ZCCHC14: variants seen among roughly 807,000 people sequenced by gnomAD.
ZCCHC14 encodes the protein zinc finger CCHC-type containing 14, also known as zinc finger CCHC domain-containing protein 14.
Under a neutral mutation model 85.0 loss-of-function variants are expected in ZCCHC14, and 16 were observed. The ratio of observed to expected loss-of-function variants is 0.19; its 90% confidence interval spans 0.13 to 0.29. ZCCHC14 has a LOEUF of 0.29. ZCCHC14 is among the 10% of genes least tolerant of loss of function. The probability of loss-of-function intolerance (pLI) is 1.00; values close to 1 mark genes in which losing one functional copy is unlikely to be tolerated. For synonymous variants in ZCCHC14, 775 were observed against 630.7 expected (o/e 1.23, Z -3.43); for missense variants, 1,303 against 1,443.5 (o/e 0.90, Z 1.58).
intron 10 of ZCCHC14, among the ~76,000 whole-genome samples, chr16:87,413,823 G>T (rs1290354751): frequency 7.1e-6 from 1 of 141,500 alleles, no homozygotes; most frequent in African/African-American, 2.6e-5. Flanking sequence ...CTGGGGTGGG[G>T]GGTGGGCGCA....
chr16:87,449,189 C>A (rs1040937278), intron 2 of ZCCHC14, among the ~76,000 whole-genome samples: 6 of 152,258 alleles, frequency 3.9e-5, no homozygotes, highest in African/African-American at 1.4e-4. Flanking sequence ...TTGGCTGTTA[C>A]ACAGCTGTAG....
chr16:87,477,426 C>T (rs1235096671), intron 1 of ZCCHC14, among the ~76,000 whole-genome samples: 6 of 152,222 alleles, frequency 3.9e-5, no homozygotes, highest in Admixed American at 3.9e-4. Context: ...ATCAGCAGAG[C>T]TGGCAGAAGC....
intron 1 of ZCCHC14, chr16:87,467,137 G>T (rs141598804): frequency 2.3e-5 from 23 of 1,003,248 alleles, no homozygotes; most frequent in Non-Finnish European, 3.4e-5. Flanking sequence ...TCCTCCACCA[G>T]ATCAGACCTG....
Position 87,406,586 on chromosome 16 carries a change from CT to C in ZCCHC14, c.*3693del, listed in dbSNP as rs1908212351. The C allele has an allele frequency of 6.6e-6, 1 of 152,374 alleles. No individual in the cohort carries two copies. The highest frequency in any genetic ancestry group is 2.4e-5 in the African/African-American group (1 of 41,414). 9.4% of individuals were successfully genotyped at this position (152,374 alleles called of 1,614,324 possible). ...AGGTGTCCAGTTTCAGTACCAAAGC[CT>C]TCTCTTTTTGTGCACGTAAGACTCA... On this transcript the variant is annotated 3_prime_UTR_variant, in exon 13 of 13. Coordinates refer to ENST00000671377, the MANE Select transcript of ZCCHC14 (RefSeq NM_015144.3).
intron 3 of ZCCHC14, among the ~76,000 whole-genome samples, chr16:87,428,959 A>G (rs763894621): frequency 3.3e-5 from 5 of 152,228 alleles, no homozygotes; most frequent in Non-Finnish European, 7.3e-5. Flanking sequence ...GCGCCTGTGA[A>G]CGGGTGTCTT....
Position 87,420,710 on chromosome 16 carries a change from G to C in ZCCHC14, c.847C>G (p.Gln283Glu). The change falls in exon 5 of 13, where the codon CAG becomes GAG. Residue 283 changes from glutamine to glutamate, a missense_variant. Coordinates refer to ENST00000671377, the MANE Select transcript of ZCCHC14 (RefSeq NM_015144.3). This position sits in a 1 kb window ranked among gnomAD's most constrained non-coding sequence, Gnocchi z 5.0. Reference protein sequence around the residue: ...EVTEFISKLCQLYPEENLEKL... With the variant: ...EVTEFISKLCELYPEENLEKL... Reference sequence around the variant, plus strand: ...TCCAAGTTCTCTTCAGGATAGAGCTGACATAGCTGGAAGAGAGGACAAGGT... The same window carrying C: ...TCCAAGTTCTCTTCAGGATAGAGCTCACATAGCTGGAAGAGAGGACAAGGT... 1 of 1,611,790 alleles carries C rather than the reference G, an allele frequency of 6.2e-7. No individual in the cohort carries two copies. Among genetic ancestry groups the C allele is most frequent in the Non-Finnish European group, 8.5e-7 (1 of 1,178,842 alleles).
chr16:87,492,838 G>A lies in ZCCHC14; in HGVS notation c.-600C>T, dbSNP rs1220470551. Among the ~76,000 whole-genome samples the A allele has an allele frequency of 6.8e-6, 1 of 147,892 alleles. No homozygotes were observed. Among genetic ancestry groups the A allele is most frequent in the African/African-American group, 2.4e-5 (1 of 40,930 alleles). ...GAGGGGGAGGGACGCGCGGCGGGAG[G>A]CGCGGAGGGATCCGGCCGGGACTTG... On this transcript the variant is annotated 5_prime_UTR_variant, in exon 1 of 13. Coordinates refer to ENST00000671377, the MANE Select transcript of ZCCHC14 (RefSeq NM_015144.3). The surrounding 1 kb of genome is among the most constrained non-coding windows in gnomAD (Gnocchi z 6.7).
chr16:87,470,368 C>A (rs1204009600), intron 1 of ZCCHC14: 2 of 152,050 alleles, frequency 1.3e-5, no homozygotes, highest in Non-Finnish European at 2.9e-5. Flanking sequence ...AAAACAAGCA[C>A]ATGACAGCTT....
At position 87,444,532 on chromosome 16, in the gene ZCCHC14, A is replaced by C. The variant is rs544381558; in HGVS notation, c.695-11331T>G. ...TTTACACAGGAGAATCCTGGCAGAT[A>C]GCATGAAAATTAATATAGTGACTGT... is the stretch of plus-strand genomic sequence containing the variant. On this transcript the variant is annotated intron_variant, in intron 2 of 12. Transcript: ENST00000671377. Among the ~76,000 whole-genome samples, 5 of 152,374 alleles carry C rather than the reference A, an allele frequency of 3.3e-5. No homozygotes were observed. In the East Asian group the frequency reaches 5.8e-4, roughly 18 times the overall value.
At chr16:87,464,452 G>C (rs1384706119) in intron 1 of ZCCHC14, among the ~76,000 whole-genome samples, 1 of 152,140 alleles carries the variant, frequency 6.6e-6, no homozygotes, top group Non-Finnish European at 1.5e-5. Flanking sequence ...TCCAATCCCG[G>C]CAAGGACAAA....
At chr16:87,458,244 G>T (rs1415891083) in intron 2 of ZCCHC14, among the ~76,000 whole-genome samples, 1 of 152,152 alleles carries the variant, frequency 6.6e-6, no homozygotes, top group Non-Finnish European at 1.5e-5. Context: ...GGCACTCCAC[G>T]GCAGGCCTTT....
intron 1 of ZCCHC14, among the ~76,000 whole-genome samples, chr16:87,481,574 G>A (rs376003788): frequency 1.5e-4 from 19 of 123,684 alleles, no homozygotes; most frequent in African/African-American, 5.6e-4. Context: ...GGAGGGGAAA[G>A]GAAGGAGAGG....
chr16:87,425,244 G>A (rs1909307592), intron 3 of ZCCHC14, among the ~76,000 whole-genome samples: 1 of 152,184 alleles, frequency 6.6e-6, no homozygotes, highest in Non-Finnish European at 1.5e-5. Context: ...CGGCTGCAAG[G>A]CGTGCACCTT....
At chr16:87,441,043 A>G (rs1910159053) in intron 2 of ZCCHC14, among the ~76,000 whole-genome samples, 1 of 146,538 alleles carries the variant, frequency 6.8e-6, no homozygotes, top group Admixed American at 6.9e-5. Flanking sequence ...TCGCTCTGTC[A>G]CCCAGGCTGG....
chr16:87,446,321 T>C (rs1439264411), intron 2 of ZCCHC14, among the ~76,000 whole-genome samples: 1 of 152,096 alleles, frequency 6.6e-6, no homozygotes, highest in East Asian at 1.9e-4. Flanking sequence ...TCGTCTCTAC[T>C]AAAAATACAA....
intron 1 of ZCCHC14, among the ~76,000 whole-genome samples, chr16:87,481,168 G>T (rs1912251058): frequency 6.6e-6 from 1 of 152,166 alleles, no homozygotes; most frequent in Non-Finnish European, 1.5e-5. Context: ...CAGGCCAGGA[G>T]ACTGGAATGT....
At chr16:87,444,749 G>A (rs1184789711) in intron 2 of ZCCHC14, among the ~76,000 whole-genome samples, 1 of 152,172 alleles carries the variant, frequency 6.6e-6, no homozygotes, top group Non-Finnish European at 1.5e-5. Flanking sequence ...GAAAGACAAG[G>A]GAAGATGGAG....
intron 2 of ZCCHC14, among the ~76,000 whole-genome samples, chr16:87,438,924 T>G (rs1197407419): frequency 6.6e-6 from 1 of 152,242 alleles, no homozygotes; most frequent in Non-Finnish European, 1.5e-5. Flanking sequence ...TTGTTACTAA[T>G]GAGCAGACCG....
At chr16:87,462,824 C>A (rs1911336277) in intron 1 of ZCCHC14, among the ~76,000 whole-genome samples, 1 of 151,982 alleles carries the variant, frequency 6.6e-6, no homozygotes, top group Non-Finnish European at 1.5e-5. Context: ...AATCCCAGCA[C>A]TTTGGGAGGC....
Sources: allele counts gnomAD v4.1 joint callset (sites outside exome capture counted in the v4.1 genomes callset), GRCh38; gene constraint gnomAD v4.1.1; non-coding constraint Gnocchi (gnomAD v3.1); transcripts MANE v1.5; gene names NCBI Gene and HGNC (gene_info 2026-07-23, HGNC 2026-07-21).